UNC5D: variants seen among roughly 807,000 people sequenced by gnomAD.
The protein encoded by UNC5D is netrin receptor UNC5D.
In UNC5D, 39 loss-of-function variants were observed where a neutral mutation model predicts 105.4. The ratio of observed to expected loss-of-function variants is 0.37; its 90% CI spans 0.29 to 0.48. The LOEUF (loss-of-function observed/expected upper bound fraction) is 0.48. UNC5D is among the 20% of genes least tolerant of loss of function. UNC5D has a pLI of 0.98. For missense variants in UNC5D, 991 were observed against 1,202.4 expected (o/e 0.82, Z 2.60); for synonymous variants, 452 against 450.4 (o/e 1.00, Z -0.04).
At chr8:35,680,959 TCTGAC>T (rs1825621124) in intron 4 of UNC5D, among the ~76,000 whole-genome samples, 1 of 152,230 alleles carries the variant, frequency 6.6e-6, no homozygotes, top group South Asian at 2.1e-4. Context: ...CCCCTGAATT[TCTGAC>T]CTAGGAGGAG....
At chr8:35,247,316 T>C (rs1280330339) in intron 1 of UNC5D, among the ~76,000 whole-genome samples, 1 of 150,406 alleles carries the variant, frequency 6.6e-6, no homozygotes, top group African/African-American at 2.4e-5. Context: ...GCTGAGGTCA[T>C]GATATGATGG....
At chr8:35,440,367 A>C (rs1807317620) in intron 1 of UNC5D, among the ~76,000 whole-genome samples, 1 of 151,936 alleles carries the variant, frequency 6.6e-6, no homozygotes, top group Admixed American at 6.6e-5. Context: ...GTCTCGGAAA[A>C]TTTAGCCACT....
At chr8:35,764,295 T>C (rs1362193141) in intron 14 of UNC5D, among the ~76,000 whole-genome samples, 1 of 152,020 alleles carries the variant, frequency 6.6e-6, no homozygotes, top group African/African-American at 2.4e-5. Context: ...TTGAGGACAA[T>C]CAGATAAATA....
chr8:35,282,610 C>T (rs543236002), intron 1 of UNC5D, among the ~76,000 whole-genome samples: 26 of 151,408 alleles, frequency 1.7e-4, no homozygotes, highest in African/African-American at 4.6e-4. Context: ...AAACTTGATT[C>T]GGCACCATAA....
At chr8:35,602,228 G>A (rs977039590) in intron 4 of UNC5D, among the ~76,000 whole-genome samples, 14 of 152,226 alleles carry the variant, frequency 9.2e-5, no homozygotes, top group South Asian at 2.1e-4. Context: ...TTTTGCATCA[G>A]TGTTCATCAA....
At chr8:35,525,835 T>A in intron 1 of UNC5D, 1 of 1,371,386 alleles carries the variant, frequency 7.3e-7, no homozygotes, top group Non-Finnish European at 9.7e-7. Context: ...AATGTGTTAC[T>A]TCAAAGGCAT....
intron 4 of UNC5D, among the ~76,000 whole-genome samples, chr8:35,615,946 G>T (rs1295614011): frequency 6.6e-6 from 1 of 152,288 alleles, no homozygotes; most frequent in East Asian, 1.9e-4. Context: ...GGACTCATCC[G>T]ATCCTTAAAG....
intron 1 of UNC5D, among the ~76,000 whole-genome samples, chr8:35,380,136 AGAGACAGACAGAGACCGAGAGG>A: frequency 7.1e-6 from 1 of 140,156 alleles, no homozygotes; most frequent in Middle Eastern, 3.8e-3. Flanking sequence ...ACCGAGAGAG[AGAGACAGACAGAGACCGAGAGG>A]GAGAGACAGA....
intron 4 of UNC5D, among the ~76,000 whole-genome samples, chr8:35,628,040 A>T (rs1367486759): frequency 6.6e-6 from 1 of 152,170 alleles, no homozygotes; most frequent in Non-Finnish European, 1.5e-5. Flanking sequence ...GATGGATAAT[A>T]CCATGTTTCA....
chr8:35,722,988 C>A (rs545483846), intron 9 of UNC5D, among the ~76,000 whole-genome samples: 1 of 152,206 alleles, frequency 6.6e-6, no homozygotes, highest in African/African-American at 2.4e-5. Context: ...CAAACTGTAT[C>A]ATGTCATTTT....
chr8:35,516,020 G>T (rs1289058022), intron 1 of UNC5D, among the ~76,000 whole-genome samples: 1 of 151,964 alleles, frequency 6.6e-6, no homozygotes, highest in East Asian at 1.9e-4. Flanking sequence ...ATTGTCTCCT[G>T]CCAGTTCCTG....
chr8:35,644,273 G>A (rs1243869048), intron 4 of UNC5D, among the ~76,000 whole-genome samples: 1 of 152,088 alleles, frequency 6.6e-6, no homozygotes. Flanking sequence ...CAGAGAAATG[G>A]GTAACAGGAA....
intron 4 of UNC5D, among the ~76,000 whole-genome samples, chr8:35,606,575 C>G (rs1820306745): frequency 6.6e-6 from 1 of 152,096 alleles, no homozygotes; most frequent in Non-Finnish European, 1.5e-5. Flanking sequence ...CTTCCTCCTC[C>G]CACCCTCTCC....
At chr8:35,347,873 C>T (rs1287915736) in intron 1 of UNC5D, among the ~76,000 whole-genome samples, 1 of 151,886 alleles carries the variant, frequency 6.6e-6, no homozygotes, top group African/African-American at 2.4e-5. Context: ...TGAAGAAAGA[C>T]CAGGGAAGTT....
At chr8:35,522,239 G>A (rs1198480709) in intron 1 of UNC5D, among the ~76,000 whole-genome samples, 1 of 152,080 alleles carries the variant, frequency 6.6e-6, no homozygotes. Context: ...GTCATCCTTG[G>A]ATGTCTAAAA....
In UNC5D at chr8:35,280,994, T is replaced by C. The variant is rs1033501580; in HGVS notation, c.103+45107T>C. On this transcript the variant is annotated intron_variant, in intron 1 of 16. Coordinates refer to ENST00000404895, the MANE Select transcript of UNC5D (RefSeq NM_080872.4). ...CTCCCAACTCATTACATCTCTCAGC[T>C]TGATGCCTTTTCCCCGTTACTCTGG... is the stretch of plus-strand genomic sequence containing the variant. Among the ~76,000 whole-genome samples the C allele has an allele frequency of 2.0e-4, 31 of 152,242 alleles. 1 individual carries two copies. Among genetic ancestry groups the C allele is most frequent in the Admixed American group, 1.6e-3 (24 of 15,290 alleles).
intron 1 of UNC5D, among the ~76,000 whole-genome samples, chr8:35,270,732 C>A (rs982832889): frequency 1.3e-5 from 2 of 152,032 alleles, no homozygotes; most frequent in Non-Finnish European, 2.9e-5. Flanking sequence ...TTTTTATGAA[C>A]CTTTTGGCTT....
chr8:35,616,324 C>CA (rs1401230543), intron 4 of UNC5D, among the ~76,000 whole-genome samples: 1 of 152,220 alleles, frequency 6.6e-6, no homozygotes, highest in Non-Finnish European at 1.5e-5. Flanking sequence ...AGTCGGATAG[C>CA]ATGCCTGTCT....
chr8:35,767,389 C>T (rs1801821486), intron 15 of UNC5D, among the ~76,000 whole-genome samples: 1 of 152,110 alleles, frequency 6.6e-6, no homozygotes, highest in African/African-American at 2.4e-5. Context: ...AGCTGAGATT[C>T]ATTATAGACT....
Sources: gnomAD v4.1 joint callset for allele counts (sites outside exome capture counted in the v4.1 genomes callset) on GRCh38, gnomAD v4.1.1 for gene constraint, MANE v1.5 for transcripts, NCBI Gene and HGNC (gene_info 2026-07-23, HGNC 2026-07-21) for gene names.